Variants in CAMK1D observed in about 807,000 individuals in gnomAD.
CAMK1D encodes calcium/calmodulin dependent protein kinase ID, also known as calcium/calmodulin-dependent protein kinase type 1D.
CAMK1D carries 9 observed loss-of-function variants against 47.7 expected under a neutral mutation model. The ratio of observed to expected loss-of-function variants is 0.19; its 90% CI spans 0.11 to 0.33. The LOEUF is 0.33. Ranked by LOEUF, CAMK1D falls within the 10% of genes least tolerant of loss-of-function variation. The probability of loss-of-function intolerance (pLI) is 1.00; values close to 1 mark genes in which losing one functional copy is unlikely to be tolerated. For missense variants in CAMK1D, 291 were observed against 488.7 expected (o/e 0.60, Z 3.81); for synonymous variants, 184 against 184.9 (o/e 0.99, Z 0.04).
At chr10:12,505,271 C>T (rs1834835723) in intron 1 of CAMK1D, among the ~76,000 whole-genome samples, 1 of 152,162 alleles carries the variant, frequency 6.6e-6, no homozygotes, top group African/African-American at 2.4e-5. Flanking sequence ...TGGGAGTCTT[C>T]AAGAATTGCA....
At position 12,812,698 on chromosome 10, in the gene CAMK1D, C is replaced by T. The variant is rs188901719; in HGVS notation, c.642-1497C>T. ...AGCCCGAGAAGCAAGTTCTGCACCA[C>T]GCTGCATTGCCCCTGGCCTTCTGGA... On this transcript the variant is annotated intron_variant, in intron 6 of 10. Coordinates refer to ENST00000619168, the MANE Select transcript of CAMK1D (RefSeq NM_153498.4). 1.1e-4 allele frequency among the ~76,000 whole-genome samples: 16 copies of T among 152,308 alleles called. No individual in the cohort carries two copies. The East Asian group carries it at 1.7e-3, about 17-fold the overall frequency.
intron 3 of CAMK1D, among the ~76,000 whole-genome samples, chr10:12,745,110 A>C (rs1256111984): frequency 6.6e-6 from 1 of 152,238 alleles, no homozygotes; most frequent in Non-Finnish European, 1.5e-5. Context: ...GGCTCACTGC[A>C]AGCTCTGCCT....
chr10:12,666,712 T>A, intron 2 of CAMK1D, 24 bp from the exon 3 acceptor site: 1 of 1,586,042 alleles, frequency 6.3e-7, no homozygotes, highest in Non-Finnish European at 8.7e-7. Context: ...ACTCACTATT[T>A]TGTGCGTCTA....
chr10:12,418,789 G>A (rs1287949671), intron 1 of CAMK1D, among the ~76,000 whole-genome samples: 1 of 152,194 alleles, frequency 6.6e-6, no homozygotes, highest in Admixed American at 6.5e-5. Flanking sequence ...AGTCAGTTGA[G>A]CAAAGGTTCC....
chr10:12,603,837 A>G (rs1334650818), intron 2 of CAMK1D, among the ~76,000 whole-genome samples: 1 of 152,034 alleles, frequency 6.6e-6, no homozygotes, highest in Non-Finnish European at 1.5e-5. Context: ...TCTTTCCCCC[A>G]TCTCCAGCCC....
chr10:12,642,410 G>A (rs1588723186), intron 2 of CAMK1D, among the ~76,000 whole-genome samples: 2 of 152,332 alleles, frequency 1.3e-5, no homozygotes, highest in South Asian at 4.1e-4. Flanking sequence ...GCAGTTACAC[G>A]ATGGATGATA....
At chr10:12,734,503 C>T (rs560642481) in intron 3 of CAMK1D, among the ~76,000 whole-genome samples, 99 of 142,638 alleles carry the variant, frequency 6.9e-4, no homozygotes, top group African/African-American at 2.1e-3. Flanking sequence ...TATATATACA[C>T]ACACACATAT....
chr10:12,440,785 A>G (rs910151470), intron 1 of CAMK1D, among the ~76,000 whole-genome samples: 1 of 152,220 alleles, frequency 6.6e-6, no homozygotes, highest in African/African-American at 2.4e-5. Flanking sequence ...TTCATAATCA[A>G]AAATGATCTG....
intron 1 of CAMK1D, among the ~76,000 whole-genome samples, chr10:12,526,197 G>T (rs1390417056): frequency 6.6e-6 from 1 of 152,344 alleles, no homozygotes; most frequent in East Asian, 1.9e-4. Context: ...GGGCAAGTCT[G>T]TCCTGTCTTT....
chr10:12,439,916 T>C (rs1481156020), intron 1 of CAMK1D, among the ~76,000 whole-genome samples: 1 of 152,116 alleles, frequency 6.6e-6, no homozygotes, highest in East Asian at 1.9e-4. Flanking sequence ...AGAGAGAGAA[T>C]GAGAACCAGG....
intron 3 of CAMK1D, among the ~76,000 whole-genome samples, chr10:12,695,908 C>A (rs1036256192): frequency 6.6e-6 from 1 of 152,020 alleles, no homozygotes; most frequent in African/African-American, 2.4e-5. Flanking sequence ...GAAACCCCGT[C>A]TCTACTAAAA....
At chr10:12,662,943 TTTTG>T (rs1015752962) in intron 2 of CAMK1D, among the ~76,000 whole-genome samples, 21 of 152,162 alleles carry the variant, frequency 1.4e-4, no homozygotes, top group African/African-American at 2.9e-4. Context: ...TCCTTGTTTT[TTTTG>T]TTTGTTTGTT....
rs537479410 is a variant in CAMK1D at position 12,822,524 on chromosome 10, G to A, written c.834-1941G>A. On this transcript the variant is annotated intron_variant, in intron 8 of 10. Coordinates refer to ENST00000619168, the MANE Select transcript of CAMK1D (RefSeq NM_153498.4). Reference sequence around the variant, plus strand: ...GCCGTGGGGTCTGAGACCACACTGCGGACAAGCAGGTGGACCCCGAGGCCC... The same window carrying A: ...GCCGTGGGGTCTGAGACCACACTGCAGACAAGCAGGTGGACCCCGAGGCCC... 7.4e-4 allele frequency among the ~76,000 whole-genome samples: 112 copies of A among 152,366 alleles called. 1 individual carries two copies. Among genetic ancestry groups the A allele is most frequent in the African/African-American group, 2.4e-3 (100 of 41,586 alleles).
At chr10:12,418,090 C>G (rs1839915939) in intron 1 of CAMK1D, among the ~76,000 whole-genome samples, 1 of 152,176 alleles carries the variant, frequency 6.6e-6, no homozygotes, top group Admixed American at 6.5e-5. Flanking sequence ...AGTGAGCCAC[C>G]ACGCCTGGCC....
intron 2 of CAMK1D, among the ~76,000 whole-genome samples, chr10:12,657,722 G>A (rs1345088141): frequency 6.6e-6 from 1 of 152,196 alleles, no homozygotes; most frequent in Non-Finnish European, 1.5e-5. Flanking sequence ...ACTTTCTGAA[G>A]TGTTTACTCA....
intron 1 of CAMK1D, among the ~76,000 whole-genome samples, chr10:12,548,935 A>G (rs1165647002): frequency 1.3e-5 from 2 of 151,308 alleles, no homozygotes; most frequent in East Asian, 3.9e-4. Flanking sequence ...AGCTCACTGC[A>G]ACCTCCGCCT....
intron 1 of CAMK1D, among the ~76,000 whole-genome samples, chr10:12,448,610 T>C (rs1832990606): frequency 6.6e-6 from 1 of 152,242 alleles, no homozygotes; most frequent in Non-Finnish European, 1.5e-5. Flanking sequence ...CAAGCAGTAC[T>C]TGAGTGATTT....
At chr10:12,737,986 G>A (rs181927441) in intron 3 of CAMK1D, among the ~76,000 whole-genome samples, 55 of 152,260 alleles carry the variant, frequency 3.6e-4, no homozygotes, top group South Asian at 6.2e-4. Flanking sequence ...TATACTCAGT[G>A]TAAAATCAAA....
intron 1 of CAMK1D, among the ~76,000 whole-genome samples, chr10:12,372,823 G>A (rs1250237054): frequency 6.6e-6 from 1 of 152,118 alleles, no homozygotes; most frequent in African/African-American, 2.4e-5. Flanking sequence ...TAGAGACTGG[G>A]TCTCACTGTC....
Sources: gnomAD v4.1 joint callset for allele counts (sites outside exome capture counted in the v4.1 genomes callset) on GRCh38, gnomAD v4.1.1 for gene constraint, MANE v1.5 for transcripts, NCBI Gene and HGNC (gene_info 2026-07-23, HGNC 2026-07-21) for gene names.